The following TMEM44 variants were observed in gnomAD, a reference collection of about 807,000 sequenced individuals.
TMEM44 encodes transmembrane protein 44.
In TMEM44, 43 loss-of-function variants were observed where a neutral mutation model predicts 47.8. The ratio of observed to expected loss-of-function variants is 0.90; its 90% CI spans 0.70 to 1.16. TMEM44 has a LOEUF of 1.16. TMEM44 is among the 50% of genes most tolerant of loss of function. TMEM44 has a pLI of 0.00. For synonymous variants in TMEM44, 277 were observed against 238.8 expected (o/e 1.16, Z -1.48); for missense variants, 568 against 555.2 (o/e 1.02, Z -0.23).
At chr3:194,597,114 A>T (rs1013340222) in intron 9 of TMEM44, 2 of 87,528 alleles carry the variant, frequency 2.3e-5, no homozygotes, top group African/African-American at 5.6e-5. Context: ...GCACACGCAC[A>T]CCCACACAGG....
Position 194,623,544 on chromosome 3 carries a change from T to C in TMEM44, c.510A>G (p.Leu170=), listed in dbSNP as rs745794835. The change falls in exon 4 of 10, where the codon CTA becomes CTG. Residue 170 remains leucine (L), a synonymous_variant. Transcript: ENST00000347147. ...ATIRGPQRRL[L]ASLLQENTEI... ...CCAGCCTCACCTGCAGCAGGCTCGCTAGCAGCCTCCGCTGTGGCCCCCGGA... is the reference window on the plus strand; with the variant it reads ...CCAGCCTCACCTGCAGCAGGCTCGCCAGCAGCCTCCGCTGTGGCCCCCGGA... 9 of 1,598,874 alleles carry C rather than the reference T, an allele frequency of 5.6e-6. No individual in the cohort carries two copies. The highest frequency in any genetic ancestry group is 7.7e-6 in the Non-Finnish European group (9 of 1,173,750).
chr3:194,628,311 C>T, intron 2 of TMEM44, 72 bp downstream of exon 2: 4 of 1,540,562 alleles, frequency 2.6e-6, no homozygotes, highest in Non-Finnish European at 3.5e-6. Flanking sequence ...GCCACCACGG[C>T]TGCAGCAGAG....
intron 7 of TMEM44, among the ~76,000 whole-genome samples, chr3:194,614,659 G>A (rs921776646): frequency 1.1e-4 from 16 of 152,010 alleles, no homozygotes; most frequent in Non-Finnish European, 1.5e-5. Flanking sequence ...TGCCTGCCTT[G>A]GCCACCCAAA....
chr3:194,590,905 T>C (rs1712594327), intron 9 of TMEM44, among the ~76,000 whole-genome samples: 1 of 152,068 alleles, frequency 6.6e-6, no homozygotes, highest in Non-Finnish European at 1.5e-5. Context: ...CTCTTTAAAC[T>C]AGTACAGGCC....
At chr3:194,632,937 A>G in intron 1 of TMEM44, 142 bp downstream of exon 1, 1 of 1,225,392 alleles carries the variant, frequency 8.2e-7, no homozygotes, top group Non-Finnish European at 1.1e-6. Context: ...CAGTCTACAG[A>G]GCAATGTTCC....
At chr3:194,623,122 C>T in intron 5 of TMEM44, 102 bp downstream of exon 5, 1 of 1,124,000 alleles carries the variant, frequency 8.9e-7, no homozygotes, top group Non-Finnish European at 1.3e-6. Flanking sequence ...TCCATGCACC[C>T]ACGGTGACGC....
chr3:194,595,702 T>C (rs1713321495), intron 9 of TMEM44, among the ~76,000 whole-genome samples: 1 of 151,580 alleles, frequency 6.6e-6, no homozygotes, highest in Non-Finnish European at 1.5e-5. Flanking sequence ...CTCAGCTCAC[T>C]GCAACCTCCG....
At position 194,628,492 on chromosome 3, in the gene TMEM44, C is replaced by A. The variant is rs764563621; in HGVS notation, c.155G>T (p.Cys52Phe). The change falls in exon 2 of 10, where the codon TGT becomes TTT. Residue 52 changes from cysteine to phenylalanine, a missense_variant. Physicochemically the swap from Cys to Phe is radical, Grantham distance 205. Transcript: ENST00000347147. ...CTGGTCCTGTCTGGGTTTCTGTGCACATCTCAGATAGAGAAGCCTGGGGTG... is the reference window on the plus strand; with the variant it reads ...CTGGTCCTGTCTGGGTTTCTGTGCAAATCTCAGATAGAGAAGCCTGGGGTG... Reference protein sequence around the residue: ...AAHALLLYLRCAQKPRQDQSA... With the variant: ...AAHALLLYLRFAQKPRQDQSA... The A allele has an allele frequency of 6.2e-7, 1 of 1,613,262 alleles. No homozygotes were observed. The highest frequency in any genetic ancestry group is 8.5e-7 in the Non-Finnish European group (1 of 1,179,590).
intron 9 of TMEM44, among the ~76,000 whole-genome samples, chr3:194,591,477 A>C (rs1159202741): frequency 6.6e-6 from 1 of 152,064 alleles, no homozygotes; most frequent in Non-Finnish European, 1.5e-5. Context: ...GTGGGCGACA[A>C]GAGTGAAATT....
intron 9 of TMEM44, among the ~76,000 whole-genome samples, chr3:194,594,125 A>ATCTGTCTGTCTG (rs1484301999): frequency 1.7e-3 from 158 of 91,816 alleles, no homozygotes; most frequent in East Asian, 4.7e-3. Context: ...TTTTCTATCT[A>ATCTGTCTGTCTG]TCTATCTATC....
At position 194,616,830 on chromosome 3, in the gene TMEM44, G is replaced by A. The variant is rs567919707; in HGVS notation, c.783+269C>T. 7.0e-5 allele frequency: 35 copies of A among 501,876 alleles called. No individual in the cohort carries two copies. In the East Asian group the frequency reaches 1.2e-3, roughly 18 times the overall value. The allele number at this position is 501,876 out of a possible 1,614,324, so 31.1% of individuals were successfully genotyped here. ...GAATTGCTTGAAATTGGGAGGTGAAGGTTGCAGTGAGCCAAGATCACGCCA... is the reference window on the plus strand; with the variant it reads ...GAATTGCTTGAAATTGGGAGGTGAAAGTTGCAGTGAGCCAAGATCACGCCA... On this transcript the variant is annotated intron_variant, in intron 6 of 9. Transcript: ENST00000347147.
chr3:194,601,309 C>CTT (rs1553827277), intron 9 of TMEM44, among the ~76,000 whole-genome samples: 1 of 134,316 alleles, frequency 7.4e-6, no homozygotes, highest in East Asian at 2.2e-4. Flanking sequence ...GGCTAATTTT[C>CTT]TTTTTTTTTT....
intron 5 of TMEM44, among the ~76,000 whole-genome samples, chr3:194,620,741 C>G (rs997813828): frequency 6.6e-6 from 1 of 151,960 alleles, no homozygotes; most frequent in South Asian, 2.1e-4. Context: ...GTTGAAGTCC[C>G]TAGGCCGGGC....
At chr3:194,594,129 A>ATCTGTCTGTCTGTCTGTGTCTG (rs1182231663) in intron 9 of TMEM44, among the ~76,000 whole-genome samples, 1 of 121,606 alleles carries the variant, frequency 8.2e-6, no homozygotes, top group Non-Finnish European at 1.7e-5. Context: ...CTATCTATCT[A>ATCTGTCTGTCTGTCTGTGTCTG]TCTATCTATC....
At chr3:194,602,749 T>TCC (rs962814641) in intron 9 of TMEM44, among the ~76,000 whole-genome samples, 5 of 152,052 alleles carry the variant, frequency 3.3e-5, no homozygotes, top group Admixed American at 3.3e-4. Flanking sequence ...GGAGGGGGTG[T>TCC]GTGAGGCCGG....
At chr3:194,625,694 A>T (rs572952592) in intron 3 of TMEM44, among the ~76,000 whole-genome samples, 3 of 152,198 alleles carry the variant, frequency 2.0e-5, no homozygotes, top group Non-Finnish European at 2.9e-5. Flanking sequence ...GTTGGCCAGG[A>T]TGGTCTGGAT....
Position 194,628,406 on chromosome 3 carries a change from G to T in TMEM44, c.241C>A (p.Leu81Met), listed in dbSNP as rs1406577044. 6.2e-7 allele frequency: 1 copy of T among 1,612,056 alleles called. No individual in the cohort carries two copies. The highest frequency in any genetic ancestry group is 8.5e-7 in the Non-Finnish European group (1 of 1,179,178). ...ACCTGGATTGTGAGCTGTCTGGCCA[G>T]AAGAGCCCCGACGGTGTCACACAGA... ...TSLCDTVGAL[L>M]ARQLTIQVFT... Residue 81 changes from leucine to methionine, a missense_variant, in exon 2 of 10, where the codon CTG becomes ATG. Physicochemically the swap from Leu to Met is conservative, Grantham distance 15 (BLOSUM62 2). Transcript: ENST00000347147.
intron 9 of TMEM44, among the ~76,000 whole-genome samples, chr3:194,594,117 T>TTCTTTCTATCTA (rs1553824378): frequency 1.3e-4 from 11 of 85,558 alleles, no homozygotes; most frequent in Non-Finnish European, 3.2e-4. Context: ...TGGCCTAATT[T>TTCTTTCTATCTA]TCTATCTATC....
At chr3:194,606,292 G>A (rs1330979725) in intron 8 of TMEM44, among the ~76,000 whole-genome samples, 1 of 152,122 alleles carries the variant, frequency 6.6e-6, no homozygotes, top group Non-Finnish European at 1.5e-5. Flanking sequence ...CCAGTGCTCA[G>A]GGGGCTTGCT....
Sources: allele counts gnomAD v4.1 joint callset (sites outside exome capture counted in the v4.1 genomes callset), GRCh38; gene constraint gnomAD v4.1.1; transcripts MANE v1.5; gene names NCBI Gene and HGNC (gene_info 2026-07-23, HGNC 2026-07-21).